The following MYBPC1 variants were observed in gnomAD, a reference collection of about 807,000 sequenced individuals.
MYBPC1 encodes myosin-binding protein C, slow-type.
In MYBPC1, 52 loss-of-function variants were observed where a neutral mutation model predicts 147.1. The observed-to-expected ratio is 0.35, with a 90% CI of 0.28 to 0.45. The LOEUF (loss-of-function observed/expected upper bound fraction) is 0.45, where lower values mean the gene tolerates loss of function less well. Among genes scored for constraint, MYBPC1 ranks in the 20% least tolerant of loss-of-function variants. The pLI, the probability that MYBPC1 is intolerant of heterozygous loss-of-function variation, is 1.00. For synonymous variants in MYBPC1, 477 were observed against 475.9 expected (o/e 1.00, Z -0.03); for missense variants, 1,228 against 1,440.3 (o/e 0.85, Z 2.39).
At chr12:101,601,264 C>G (rs568402052) in intron 1 of MYBPC1, among the ~76,000 whole-genome samples, 1 of 152,192 alleles carries the variant, frequency 6.6e-6, no homozygotes, top group Non-Finnish European at 1.5e-5. Flanking sequence ...ACAGCCCCCC[C>G]AAAGTCAAAG....
At chr12:101,659,925 T>C in intron 19 of MYBPC1, 94 bp downstream of exon 19, 2 of 1,460,120 alleles carry the variant, frequency 1.4e-6, no homozygotes, top group South Asian at 1.2e-5. Context: ...TCCATTTCCT[T>C]CCTTTGTCTT....
intron 16 of MYBPC1, among the ~76,000 whole-genome samples, chr12:101,651,600 A>G (rs1351160086): frequency 6.6e-6 from 1 of 152,176 alleles, no homozygotes; most frequent in African/African-American, 2.4e-5. Flanking sequence ...ACCTCACACT[A>G]TGGTACTTTG....
intron 3 of MYBPC1, among the ~76,000 whole-genome samples, chr12:101,623,509 C>T (rs536976737): frequency 1.2e-4 from 19 of 152,288 alleles, no homozygotes; most frequent in African/African-American, 4.3e-4. Flanking sequence ...GAATACTCTT[C>T]TCATTTTGTG....
At chr12:101,601,714 T>C (rs1197603094) in intron 1 of MYBPC1, among the ~76,000 whole-genome samples, 1 of 152,102 alleles carries the variant, frequency 6.6e-6, no homozygotes, top group East Asian at 1.9e-4. Flanking sequence ...TTAGATCTTA[T>C]GATTTTGTTC....
chr12:101,627,638 C>A (rs1888916795), intron 4 of MYBPC1, 131 bp from the exon 5 acceptor site: 13 of 977,260 alleles, frequency 1.3e-5, no homozygotes, highest in Non-Finnish European at 2.0e-5. Flanking sequence ...TCCAAGCCAA[C>A]TTGTAGGGTT....
chr12:101,683,082 CA>C (rs1951120481), intron 30 of MYBPC1, among the ~76,000 whole-genome samples: 1 of 152,158 alleles, frequency 6.6e-6, no homozygotes, highest in Non-Finnish European at 1.5e-5. Flanking sequence ...ACATTTCAAA[CA>C]TTTTTTTTGA....
At chr12:101,684,202 A>G (rs1951208546) in intron 30 of MYBPC1, among the ~76,000 whole-genome samples, 180 bp from the exon 31 acceptor site, 1 of 152,132 alleles carries the variant, frequency 6.6e-6, no homozygotes, top group Admixed American at 6.5e-5. Flanking sequence ...ACGTGACTGG[A>G]TCCCCACCCT....
At chr12:101,649,155 CAT>C in intron 14 of MYBPC1, 103 bp from the exon 15 acceptor site, 2 of 990,404 alleles carry the variant, frequency 2.0e-6, no homozygotes, top group South Asian at 2.8e-5. Context: ...TTGTGTGTCT[CAT>C]ATCCTCCAGA....
intron 7 of MYBPC1, 128 bp downstream of exon 7, chr12:101,631,847 T>C: frequency 2.1e-6 from 3 of 1,427,188 alleles, no homozygotes; most frequent in Non-Finnish European, 2.9e-6. Context: ...ACCATTGCAG[T>C]GTCTACACTC....
chr12:101,661,114 C>A (rs769065363), intron 19 of MYBPC1, 44 bp from the exon 20 acceptor site: 3 of 1,308,758 alleles, frequency 2.3e-6, no homozygotes, highest in Non-Finnish European at 3.3e-6. Context: ...TTTTTCTACT[C>A]CCTCTTCCTT....
chr12:101,640,470 T>C (rs974640177), intron 10 of MYBPC1, among the ~76,000 whole-genome samples: 2 of 152,234 alleles, frequency 1.3e-5, no homozygotes, highest in African/African-American at 4.8e-5. Context: ...AGCTTTTCGA[T>C]TTTCTCATGT....
In MYBPC1 at chr12:101,597,895, T is replaced by A. The variant is rs558843617; in HGVS notation, c.25+2800T>A. 7.2e-5 allele frequency among the ~76,000 whole-genome samples: 11 copies of A among 152,328 alleles called. No individual in the cohort carries two copies. The South Asian group carries it at 1.4e-3, about 20-fold the overall frequency. On this transcript the variant is annotated intron_variant, in intron 1 of 31. Transcript: ENST00000361466. ...GAGGATGTTGTAGGCAGTTTCAGAT[T>A]TGTGGGGATCTCCCAGGATGCCTTT... is the stretch of plus-strand genomic sequence containing the variant.
chr12:101,666,623 A>T, intron 22 of MYBPC1: 1 of 998,460 alleles, frequency 1.0e-6, no homozygotes, highest in Non-Finnish European at 1.6e-6. Context: ...CACTGCTCTG[A>T]GGACAAATCT....
intron 5 of MYBPC1, chr12:101,628,135 A>G: frequency 3.0e-6 from 1 of 328,098 alleles, no homozygotes; most frequent in Admixed American, 4.2e-5. Context: ...CTTTACATAC[A>G]GATAATAAAA....
chr12:101,631,943 CA>C, intron 7 of MYBPC1, 77 bp from the exon 8 acceptor site: 1 of 1,364,142 alleles, frequency 7.3e-7, no homozygotes, highest in Non-Finnish European at 1.0e-6. Context: ...TTCCCACAGA[CA>C]GACACAGCTT....
At chr12:101,607,465 A>G (rs1882663482) in intron 1 of MYBPC1, among the ~76,000 whole-genome samples, 1 of 152,214 alleles carries the variant, frequency 6.6e-6, no homozygotes, top group East Asian at 1.9e-4. Context: ...TGAGAATAAG[A>G]AACGATAATC....
chr12:101,682,637 C>T lies in MYBPC1; in HGVS notation c.3467C>T (p.Pro1156Leu). ...IYQGVNTPGQ[P>L]VFLEGQQQSL... ...CAAGGAGTAAATACCCCTGGACAAC[C>T]AGTCTTCCTGGAGGGGCAGCAACAG... Residue 1156 changes from proline (P) to leucine (L), a missense_variant, in exon 30 of 32, where the codon CCA becomes CTA. By Grantham distance (98) the Pro-to-Leu change is moderately conservative. Transcript: ENST00000361466. The T allele has an allele frequency of 6.2e-7, 1 of 1,613,246 alleles. No homozygotes were observed. Among genetic ancestry groups the T allele is most frequent in the African/African-American group, 1.3e-5 (1 of 75,012 alleles).
At position 101,678,084 on chromosome 12, in the gene MYBPC1, G is replaced by T. The variant is rs761421288; in HGVS notation, c.3110-18G>T. The T allele has an allele frequency of 3.5e-5, 56 of 1,608,384 alleles. No individual in the cohort carries two copies. The highest frequency in any genetic ancestry group is 4.6e-5 in the Non-Finnish European group (54 of 1,174,998). On this transcript the variant is annotated intron_variant, in intron 27 of 31. Coordinates refer to ENST00000361466, the MANE Select transcript of MYBPC1 (RefSeq NM_002465.4). The stretch of plus-strand genomic sequence containing the variant: ...CAATTTACATAATTTTAACATATTT[G>T]TAATGCTTGTTTTTAAGGTAAAATC...
intron 29 of MYBPC1, 55 bp downstream of exon 29, chr12:101,680,584 A>G (rs1950875047): frequency 6.3e-7 from 1 of 1,588,026 alleles, no homozygotes; most frequent in Non-Finnish European, 8.6e-7. Context: ...TCATTGAATT[A>G]TTGTTCTTAA....
Sources: allele counts gnomAD v4.1 joint callset (sites outside exome capture counted in the v4.1 genomes callset), GRCh38; gene constraint gnomAD v4.1.1; transcripts MANE v1.5; gene names NCBI Gene and HGNC (gene_info 2026-07-23, HGNC 2026-07-21).